The following IGSF21 variants were observed in gnomAD, a reference collection of about 807,000 sequenced individuals.
IGSF21 encodes immunoglobulin superfamily member 21.
Under a neutral mutation model 46.8 loss-of-function variants are expected in IGSF21, and 28 were observed. The ratio of observed to expected loss-of-function variants is 0.60; its 90% CI spans 0.44 to 0.82. The LOEUF (loss-of-function observed/expected upper bound fraction) is 0.82, where lower values mean the gene tolerates loss of function less well. IGSF21 is among the 40% of genes least tolerant of loss of function. IGSF21 has a pLI of 0.00. For synonymous variants in IGSF21, 284 were observed against 273.6 expected, an observed-to-expected ratio of 1.04 and a Z score of -0.38; for missense variants, 624 against 665.5, an observed-to-expected ratio of 0.94 and a Z score of 0.69.
chr1:18,370,757 A>G (rs1246353538), intron 6 of IGSF21, among the ~76,000 whole-genome samples: 3 of 152,210 alleles, frequency 2.0e-5, no homozygotes, highest in Non-Finnish European at 2.9e-5. Flanking sequence ...TGACAAATCA[A>G]TAATGAAAGA....
At chr1:18,309,615 T>C (rs1454657802) in intron 3 of IGSF21, among the ~76,000 whole-genome samples, 1 of 152,160 alleles carries the variant, frequency 6.6e-6, no homozygotes, top group African/African-American at 2.4e-5. Flanking sequence ...CACTGCACTT[T>C]CCATGACAGG....
chr1:18,333,553 T>C (rs1052180728), intron 3 of IGSF21, among the ~76,000 whole-genome samples: 1 of 152,196 alleles, frequency 6.6e-6, no homozygotes, highest in Non-Finnish European at 1.5e-5. Flanking sequence ...GCATCTCCAC[T>C]GTTTAGGAAA....
intron 1 of IGSF21, among the ~76,000 whole-genome samples, chr1:18,186,848 C>G: frequency 6.6e-6 from 1 of 152,280 alleles, no homozygotes; most frequent in South Asian, 2.1e-4. Flanking sequence ...GGGGTAACTT[C>G]TGCTCATTCT....
chr1:18,282,295 C>T (rs1229054564), intron 2 of IGSF21, among the ~76,000 whole-genome samples: 1 of 152,086 alleles, frequency 6.6e-6, no homozygotes, highest in African/African-American at 2.4e-5. Flanking sequence ...CCAGGATGGG[C>T]TTCCGGGGAA....
intron 2 of IGSF21, among the ~76,000 whole-genome samples, chr1:18,234,196 G>C (rs1383897940): frequency 6.6e-5 from 10 of 152,120 alleles, no homozygotes; most frequent in Admixed American, 6.6e-4. Context: ...ACAGATATAA[G>C]TCTGGAAAAG....
chr1:18,261,615 G>A lies in IGSF21; in HGVS notation c.184-30251G>A, dbSNP rs111670429. Among the ~76,000 whole-genome samples, 929 of 152,336 alleles carry A rather than the reference G, an allele frequency of 6.1e-3. 8 individuals are homozygous for A. The highest frequency in any genetic ancestry group is 0.021 in the African/African-American group (872 of 41,574). ...CAACTGCCTCTGAGCTATGACTCTC[G>A]GTGCACTGCCTGTGGGGTAGCCCTG... On this transcript the variant is annotated intron_variant, in intron 2 of 9. Coordinates refer to ENST00000251296, the MANE Select transcript of IGSF21 (RefSeq NM_032880.5).
At chr1:18,225,108 C>CACACACACAG in intron 1 of IGSF21, among the ~76,000 whole-genome samples, 1 of 148,560 alleles carries the variant, frequency 6.7e-6, no homozygotes, top group Admixed American at 6.7e-5. Flanking sequence ...CACACACACA[C>CACACACACAG]ACACACACAC....
intron 2 of IGSF21, among the ~76,000 whole-genome samples, chr1:18,269,689 T>G (rs1334133766): frequency 6.6e-6 from 1 of 152,106 alleles, no homozygotes; most frequent in Non-Finnish European, 1.5e-5. Flanking sequence ...GGGTGCTAGA[T>G]ACCCCCAGTC....
chr1:18,288,315 G>C (rs1366694259), intron 2 of IGSF21, among the ~76,000 whole-genome samples: 1 of 152,168 alleles, frequency 6.6e-6, no homozygotes, highest in Non-Finnish European at 1.5e-5. Context: ...CCTCCAAGGG[G>C]ATTCTTGGCT....
At chr1:18,289,456 G>C (rs1204013432) in intron 2 of IGSF21, among the ~76,000 whole-genome samples, 1 of 152,236 alleles carries the variant, frequency 6.6e-6, no homozygotes, top group Non-Finnish European at 1.5e-5. Flanking sequence ...TGGTCCAGAA[G>C]CCAGACGCTT....
chr1:18,180,427 C>T (rs192228155), intron 1 of IGSF21, among the ~76,000 whole-genome samples: 1 of 152,310 alleles, frequency 6.6e-6, no homozygotes, highest in East Asian at 1.9e-4. Context: ...GGCCTTCTTC[C>T]ACCATTGCAG....
At chr1:18,264,518 G>A (rs2084973955) in intron 2 of IGSF21, among the ~76,000 whole-genome samples, 2 of 152,136 alleles carry the variant, frequency 1.3e-5, no homozygotes, top group Admixed American at 1.3e-4. Context: ...GAGAACACAT[G>A]GACGGAGGGA....
Position 18,156,238 on chromosome 1 carries a change from A to C in IGSF21, c.70+48040A>C, listed in dbSNP as rs143457562. Among the ~76,000 whole-genome samples, 5 of 152,222 alleles carry C rather than the reference A, an allele frequency of 3.3e-5. No homozygotes were observed. In the East Asian group the frequency reaches 9.7e-4, roughly 30 times the overall value. On this transcript the variant is annotated intron_variant, in intron 1 of 9. Coordinates refer to ENST00000251296, the MANE Select transcript of IGSF21 (RefSeq NM_032880.5). ...CTGGGCTGGCATGGAATTCTCCACTATTAAGGAGGTGGTCATCAGGGAAGG... is the reference window on the plus strand; with the variant it reads ...CTGGGCTGGCATGGAATTCTCCACTCTTAAGGAGGTGGTCATCAGGGAAGG...
rs188259858 is a variant in IGSF21 at position 18,326,593 on chromosome 1, A to G, written c.306-8299A>G. On this transcript the variant is annotated intron_variant, in intron 3 of 9. Transcript: ENST00000251296. Reference sequence around the variant, plus strand: ...TAGCCCAGAATGAGATACTGTGTATATAAATGAAGACGTTTGAATTACAAA... The same window carrying G: ...TAGCCCAGAATGAGATACTGTGTATGTAAATGAAGACGTTTGAATTACAAA... 7.2e-5 allele frequency among the ~76,000 whole-genome samples: 11 copies of G among 152,368 alleles called. No individual in the cohort carries two copies. The East Asian group carries it at 2.1e-3, about 29-fold the overall frequency.
At chr1:18,171,298 TCCCTGGGGTCAGAG>T (rs1480888515) in intron 1 of IGSF21, among the ~76,000 whole-genome samples, 5 of 151,860 alleles carry the variant, frequency 3.3e-5, no homozygotes, top group South Asian at 2.1e-4. Flanking sequence ...CCTGATGGGA[TCCCTGGGGTCAGAG>T]GGCTGGGGTC....
chr1:18,172,341 C>T (rs954878339), intron 1 of IGSF21, among the ~76,000 whole-genome samples: 1 of 152,222 alleles, frequency 6.6e-6, no homozygotes. Context: ...TTGTTACGCT[C>T]ACACTAGTAG....
At position 18,184,795 on chromosome 1, in the gene IGSF21, G is replaced by A. The variant is rs138262125; in HGVS notation, c.71-43103G>A. Among the ~76,000 whole-genome samples, 106 of 152,300 alleles carry A rather than the reference G, an allele frequency of 7.0e-4. 2 individuals are homozygous for A. Among genetic ancestry groups the A allele is most frequent in the Admixed American group, 4.3e-3 (66 of 15,296 alleles). ...ACCAGTTATCCCTTATATGGAATGT[G>A]TGCCCTGTCTTTGTACTTGGCATGT... On this transcript the variant is annotated intron_variant, in intron 1 of 9. Coordinates refer to ENST00000251296, the MANE Select transcript of IGSF21 (RefSeq NM_032880.5).
Position 18,225,085 on chromosome 1 carries a change from T to TCTCTCTCACACA in IGSF21, c.71-2812_71-2811insTCTCTCACACAC. Among the ~76,000 whole-genome samples, 152 of 51,606 alleles carry TCTCTCTCACACA rather than the reference T, an allele frequency of 2.9e-3. 3 individuals are homozygous for TCTCTCTCACACA. Among genetic ancestry groups the TCTCTCTCACACA allele is most frequent in the African/African-American group, 9.9e-3 (140 of 14,188 alleles). 33.9% of individuals were successfully genotyped at this position (51,606 alleles called of 152,430 possible). ...GTATCTCTCTCTCTCTCTCTCTCTCTCACACACACACACACACACACACAC... is the reference window on the plus strand; with the variant it reads ...GTATCTCTCTCTCTCTCTCTCTCTCTCTCTCTCACACACACACACACACACACACACACACAC... On this transcript the variant is annotated intron_variant, in intron 1 of 9. Transcript: ENST00000251296.
rs527512594 is a variant in IGSF21 at position 18,326,049 on chromosome 1, T to C, written c.306-8843T>C. Among the ~76,000 whole-genome samples the C allele has an allele frequency of 2.1e-3, 310 of 146,868 alleles. 3 individuals are homozygous for C. The highest frequency in any genetic ancestry group is 0.014 in the Middle Eastern group (4 of 288). On this transcript the variant is annotated intron_variant, in intron 3 of 9. Transcript: ENST00000251296. ...CCTCTTCCCCGCCCATGCCCCCCCC[T>C]TTTTTTTCCAGGGAGTAGCAAACCT...
Sources: allele counts gnomAD v4.1 joint callset (sites outside exome capture counted in the v4.1 genomes callset), GRCh38; gene constraint gnomAD v4.1.1; transcripts MANE v1.5; gene names NCBI Gene and HGNC (gene_info 2026-07-23, HGNC 2026-07-21).